The following DISP3 variants were observed in gnomAD, a reference collection of about 807,000 sequenced individuals.
DISP3 encodes the protein dispatched RND transporter family member 3.
Under a neutral mutation model 135.3 loss-of-function variants are expected in DISP3, and 101 were observed. That is an observed-to-expected ratio of 0.75 (90% confidence interval 0.64 to 0.88). The LOEUF (loss-of-function observed/expected upper bound fraction) is 0.88, where lower values mean the gene tolerates loss of function less well. Ranked by LOEUF, DISP3 falls within the 40% of genes least tolerant of loss-of-function variation. The pLI, the probability that DISP3 is intolerant of heterozygous loss-of-function variation, is 0.00. For missense variants in DISP3, 1,713 were observed against 1,878.6 expected (o/e 0.91, Z 1.63); for synonymous variants, 856 against 817.0 (o/e 1.05, Z -0.81).
intron 12 of DISP3, 103 bp downstream of exon 12, chr1:11,525,415 A>G (rs1223683317): frequency 2.2e-6 from 3 of 1,366,444 alleles, no homozygotes; most frequent in African/African-American, 3.0e-5. Flanking sequence ...AGGGAGAAGC[A>G]GCTTTGAGGA....
intron 5 of DISP3, 26 bp from the exon 6 acceptor site, chr1:11,515,975 G>T: frequency 1.2e-6 from 2 of 1,610,514 alleles, no homozygotes; most frequent in Non-Finnish European, 8.5e-7. Context: ...ATAATCCTGA[G>T]CCTGGCTGGG....
intron 4 of DISP3, 23 bp downstream of exon 4, chr1:11,514,549 C>A (rs1406334580): frequency 6.2e-7 from 1 of 1,607,058 alleles, no homozygotes. Flanking sequence ...TCAAGCCAGC[C>A]CCCTCCTCCC....
In DISP3 at chr1:11,502,824, T is replaced by A; in HGVS notation, c.1243T>A (p.Trp415Arg). 1 of 1,614,214 alleles carries A rather than the reference T, an allele frequency of 6.2e-7. No homozygotes were observed. Reference sequence around the variant, plus strand: ...CAACTACTACTCAGTAGATGACCGCTGGGAGGAACAACGGGCTAAGTTTCA... The same window carrying A: ...CAACTACTACTCAGTAGATGACCGCAGGGAGGAACAACGGGCTAAGTTTCA... ...LPNYYSVDDR[W>R]EEQRAKFQSF... is the part of the protein sequence containing the mutation. The change falls in exon 3 of 21, where the codon TGG (tryptophan) becomes AGG (arginine). Residue 415 changes from tryptophan (W) to arginine (R), a missense_variant. Physicochemically the swap from Trp to Arg is moderately radical, Grantham distance 101. This residue lies in a region of DISP3 where 1,142 missense variants were observed against 1,384.6 expected (regional missense o/e 0.82). Transcript: ENST00000294484.
In DISP3 at chr1:11,499,246, C is replaced by T. The variant is rs75156454; in HGVS notation, c.-3-1744C>T. On this transcript the variant is annotated intron_variant, in intron 1 of 20. Transcript: ENST00000294484. The surrounding 1 kb of genome is among the most constrained non-coding windows in gnomAD (Gnocchi z 5.2). ...CCAACACACTGTAAACTGTACTCCC[C>T]ACAAGGCAGGCTGAGGCACGGGCAG... 2.2e-3 allele frequency among the ~76,000 whole-genome samples: 335 copies of T among 152,288 alleles called. 10 individuals carry two copies. In the East Asian group the frequency reaches 0.043, roughly 20 times the overall value.
intron 4 of DISP3, among the ~76,000 whole-genome samples, chr1:11,514,811 G>A (rs1641957006): frequency 6.6e-6 from 1 of 152,202 alleles, no homozygotes; most frequent in African/African-American, 2.4e-5. Flanking sequence ...TTGTGCTGGG[G>A]AGTCTGGGGT....
rs1180930543 is a variant in DISP3 at position 11,525,318 on chromosome 1, C to G, written c.2613+6C>G. The G allele has an allele frequency of 6.2e-7, 1 of 1,611,618 alleles. No homozygotes were observed. Among genetic ancestry groups the G allele is most frequent in the Non-Finnish European group, 8.5e-7 (1 of 1,178,388 alleles). On this transcript the variant is annotated splice_donor_region_variant and intron_variant, in intron 12 of 20. Transcript: ENST00000294484. ...GAGAGGTGCCCTCCTTCCAGGTGAG[C>G]CTGGGCTGTCGTGAAGTGAGCCGCC...
chr1:11,488,768 A>G lies in DISP3; in HGVS notation c.-4+9396A>G, dbSNP rs1257095264. ...TTTTCAAACATGTAAGACTCAAATA[A>G]AATCTACCACAGTGAGAAGGGTACT... is the stretch of plus-strand genomic sequence containing the variant. On this transcript the variant is annotated intron_variant, in intron 1 of 20. Transcript: ENST00000294484. 2.6e-5 allele frequency among the ~76,000 whole-genome samples: 4 copies of G among 152,172 alleles called. No homozygotes were observed. In the East Asian group the frequency reaches 7.7e-4, roughly 29 times the overall value.
rs370869022 is a variant in DISP3 at position 11,530,897 on chromosome 1, C to T, written c.3103-10C>T. The T allele has an allele frequency of 3.0e-5, 48 of 1,613,464 alleles. No individual in the cohort carries two copies. Among genetic ancestry groups the T allele is most frequent in the Non-Finnish European group, 3.9e-5 (46 of 1,179,784 alleles). On this transcript the variant is annotated splice_polypyrimidine_tract_variant and intron_variant, in intron 15 of 20. Transcript: ENST00000294484. Reference sequence around the variant, plus strand: ...AGCGGCCCGGGCCGGCTTGTTTCTCCTTGGGAAAGGGTAGTGTTGTCTACG... The same window carrying T: ...AGCGGCCCGGGCCGGCTTGTTTCTCTTTGGGAAAGGGTAGTGTTGTCTACG...
Position 11,501,486 on chromosome 1 carries a change from C to G in DISP3, c.494C>G (p.Ser165Trp), listed in dbSNP as rs1368808940. ...QLQQLHLGNR[S>W]RQASRAPRVI... ...CAGCAGCTGCATCTCGGCAACCGCT[C>G]GCGGCAAGCCTCCCGAGCCCCCCGC... The change falls in exon 2 of 21, where the codon TCG becomes TGG. Residue 165 changes from serine (S) to tryptophan (W), a missense_variant. By Grantham distance (177) the Ser-to-Trp change is radical (BLOSUM62 -3). Coordinates refer to ENST00000294484, the MANE Select transcript of DISP3 (RefSeq NM_020780.2). The surrounding 1 kb of genome is among the most constrained non-coding windows in gnomAD (Gnocchi z 4.9). The G allele has an allele frequency of 1.2e-6, 2 of 1,605,932 alleles. No individual in the cohort carries two copies. Among genetic ancestry groups the G allele is most frequent in the South Asian group, 1.1e-5 (1 of 90,398 alleles).
chr1:11,489,823 A>G (rs777075490), intron 1 of DISP3, among the ~76,000 whole-genome samples: 8 of 152,096 alleles, frequency 5.3e-5, no homozygotes, highest in Non-Finnish European at 1.0e-4. Flanking sequence ...CTTGCCCCCA[A>G]GCTTGAACTT....
At position 11,526,686 on chromosome 1, in the gene DISP3, G is replaced by T; in HGVS notation, c.2649G>T (p.Lys883Asn). The change falls in exon 13 of 21, where the codon AAG (lysine) becomes AAT (asparagine). Residue 883 changes from lysine to asparagine, a missense_variant. Physicochemically the swap from Lys to Asn is moderately conservative, Grantham distance 94. Around this residue, in one of 2 missense-constraint regions of DISP3, gnomAD observed 1,142 missense variants for 1,384.6 expected, o/e 0.82. Coordinates refer to ENST00000294484, the MANE Select transcript of DISP3 (RefSeq NM_020780.2). Reference protein sequence around the residue: ...YRAPFGNFTKKLTACMSTVGL... With the variant: ...YRAPFGNFTKNLTACMSTVGL... ...CGCCTTTTGGTAACTTCACCAAGAA[G>T]CTGACCGCTTGTATGTCTACAGTAG... is the stretch of plus-strand genomic sequence containing the variant. 1 of 1,614,156 alleles carries T rather than the reference G, an allele frequency of 6.2e-7. No homozygotes were observed. Among genetic ancestry groups the T allele is most frequent in the Non-Finnish European group, 8.5e-7 (1 of 1,180,002 alleles).
At chr1:11,492,830 T>G (rs1189872918) in intron 1 of DISP3, among the ~76,000 whole-genome samples, 1 of 152,138 alleles carries the variant, frequency 6.6e-6, no homozygotes, top group African/African-American at 2.4e-5. Flanking sequence ...GGAAAGTCAC[T>G]CAGCCATACC....
rs2817580 is a variant in DISP3 at position 11,501,536 on chromosome 1, G to A, written c.544G>A (p.Gly182Ser). The stretch of plus-strand genomic sequence containing the variant: ...CGTCATCCCCGCGGCCTCACTCGGT[G>A]GCCCAGGCCCTTACCGGGACACTTC... ...PRVIPAASLG[G>S]PGPYRDTSAA... Residue 182 changes from glycine (G) to serine (S), a missense_variant, in exon 2 of 21, where the codon GGC (glycine) becomes AGC (serine). Physicochemically the swap from Gly to Ser is moderately conservative, Grantham distance 56. Around this residue, in one of 2 missense-constraint regions of DISP3, gnomAD observed 571 missense variants for 494.1 expected, o/e 1.16. Transcript: ENST00000294484. This position sits in a 1 kb window ranked among gnomAD's most constrained non-coding sequence, Gnocchi z 4.9. 0.59 allele frequency: 933,275 copies of A among 1,593,124 alleles called. 285,773 individuals are homozygous for A. Among genetic ancestry groups the A allele is most frequent in the Admixed American group, 0.65 (36,936 of 57,116 alleles).
rs566698365 is a variant in DISP3, at chr1:11,519,605, G to A, written c.2038+102G>A. 2.9e-5 allele frequency: 45 copies of A among 1,570,430 alleles called. No homozygotes were observed. Among genetic ancestry groups the A allele is most frequent in the South Asian group, 2.0e-4 (17 of 85,892 alleles). On this transcript the variant is annotated intron_variant, in intron 8 of 20. Coordinates refer to ENST00000294484, the MANE Select transcript of DISP3 (RefSeq NM_020780.2). This position sits in a 1 kb window ranked among gnomAD's most constrained non-coding sequence, Gnocchi z 4.3. Reference sequence around the variant, plus strand: ...CAAGTTGGTCCTGAGGCTGGGGGCCGGACAAGATGGCCTGTGGGCTTCCTC... The same window carrying A: ...CAAGTTGGTCCTGAGGCTGGGGGCCAGACAAGATGGCCTGTGGGCTTCCTC...
intron 3 of DISP3, among the ~76,000 whole-genome samples, chr1:11,505,001 G>A (rs1350240573): frequency 6.6e-6 from 1 of 152,158 alleles, no homozygotes; most frequent in African/African-American, 2.4e-5. Flanking sequence ...ATTATTGTGA[G>A]TTTTAGTGAG....
chr1:11,502,196 T>G, intron 2 of DISP3, 108 bp downstream of exon 2: 4 of 1,445,338 alleles, frequency 2.8e-6, no homozygotes, highest in Non-Finnish European at 2.7e-6. Context: ...CCAGTCAGTC[T>G]GGAACTGAGT....
At chr1:11,503,018 A>G in intron 3 of DISP3, 121 bp downstream of exon 3, 2 of 902,262 alleles carry the variant, frequency 2.2e-6, no homozygotes, top group Non-Finnish European at 3.3e-6. Flanking sequence ...TTCTTTCCAA[A>G]TTGGGGCAGA....
rs1013902537 is a variant in DISP3 at position 11,516,245 on chromosome 1, G to T, written c.1749+84G>T. The T allele has an allele frequency of 2.3e-5, 34 of 1,499,518 alleles. No individual in the cohort carries two copies. In the Admixed American group the frequency reaches 6.0e-4, roughly 27 times the overall value. The allele number at this position is 1,499,518 out of a possible 1,614,324, so 92.9% of individuals were successfully genotyped here. ...GCTGGTCTCTGCCCTTCCCACCACC[G>T]CTTGAGTGGCCATATAGCCTTCACC... is the stretch of plus-strand genomic sequence containing the variant. On this transcript the variant is annotated intron_variant, in intron 6 of 20. Coordinates refer to ENST00000294484, the MANE Select transcript of DISP3 (RefSeq NM_020780.2). The surrounding 1 kb of genome is among the most constrained non-coding windows in gnomAD (Gnocchi z 5.1).
chr1:11,531,873 T>A lies in DISP3; in HGVS notation c.3375+163T>A, dbSNP rs1467073223. Among the ~76,000 whole-genome samples, 1 of 152,202 alleles carries A rather than the reference T, an allele frequency of 6.6e-6. No individual in the cohort carries two copies. The highest frequency in any genetic ancestry group is 2.4e-5 in the African/African-American group (1 of 41,454). Reference sequence around the variant, plus strand: ...AGTTAGTGGGTGTCAGTGTCGAGTGTGAAACCAGACCGCCTAACTGCAGAG... The same window carrying A: ...AGTTAGTGGGTGTCAGTGTCGAGTGAGAAACCAGACCGCCTAACTGCAGAG... On this transcript the variant is annotated intron_variant, in intron 17 of 20. Coordinates refer to ENST00000294484, the MANE Select transcript of DISP3 (RefSeq NM_020780.2). This position sits in a 1 kb window ranked among gnomAD's most constrained non-coding sequence, Gnocchi z 5.2.
Sources: allele counts gnomAD v4.1 joint callset (sites outside exome capture counted in the v4.1 genomes callset), GRCh38; gene constraint gnomAD v4.1.1; regional missense constraint gnomAD v4.1.1; non-coding constraint Gnocchi (gnomAD v3.1); transcripts MANE v1.5; gene names NCBI Gene and HGNC (gene_info 2026-07-23, HGNC 2026-07-21).